The following NPTN variants were observed in gnomAD, a reference collection of about 807,000 sequenced individuals.
The protein encoded by NPTN is SDR-1.
Under a neutral mutation model 42.7 loss-of-function variants are expected in NPTN, and 5 were observed. The ratio of observed to expected loss-of-function variants is 0.12; its 90% CI spans 0.06 to 0.25. The LOEUF (loss-of-function observed/expected upper bound fraction) is 0.25. Among genes scored for constraint, NPTN ranks in the 10% least tolerant of loss-of-function variants. NPTN has a pLI of 1.00. For synonymous variants in NPTN, 180 were observed against 201.9 expected, an observed-to-expected ratio of 0.89 and a Z score of 0.92; for missense variants, 307 against 525.4, an observed-to-expected ratio of 0.58 and a Z score of 4.06.
In NPTN at chr15:73,573,611, T is replaced by C. The variant is rs192858450; in HGVS notation, c.840+51A>G. ...AGTAACTGACCCACGTGTCTGGACC[T>C]CTGCAGGGAAAACTCCAGCAACCAG... On this transcript the variant is annotated intron_variant, in intron 5 of 8. Transcript: ENST00000345330. 8.2e-3 allele frequency: 12,463 copies of C among 1,514,040 alleles called. 55 individuals carry two copies. The highest frequency in any genetic ancestry group is 9.9e-3 in the Non-Finnish European group (11,238 of 1,135,632). The allele number at this position is 1,514,040 out of a possible 1,614,324, so 93.8% of individuals were successfully genotyped here.
At chr15:73,601,682 C>T (rs1230638603) in intron 1 of NPTN, among the ~76,000 whole-genome samples, 1 of 152,100 alleles carries the variant, frequency 6.6e-6, no homozygotes, top group African/African-American at 2.4e-5. Context: ...AACCTCCTAC[C>T]CCACCCTCTT....
chr15:73,606,696 T>C (rs1199897377), intron 1 of NPTN, among the ~76,000 whole-genome samples: 1 of 152,150 alleles, frequency 6.6e-6, no homozygotes, highest in Non-Finnish European at 1.5e-5. Context: ...AGAAAAATAA[T>C]ACCAGTTACA....
At chr15:73,604,709 T>A (rs1051044732) in intron 1 of NPTN, among the ~76,000 whole-genome samples, 2 of 152,204 alleles carry the variant, frequency 1.3e-5, no homozygotes, top group African/African-American at 2.4e-5. Context: ...ATGATTCCTA[T>A]CTTCTTCATA....
At chr15:73,590,173 T>C (rs1896514965) in intron 3 of NPTN, among the ~76,000 whole-genome samples, 1 of 151,984 alleles carries the variant, frequency 6.6e-6, no homozygotes, top group African/African-American at 2.4e-5. Flanking sequence ...AGGGAAAACG[T>C]TCCCTACAGG....
chr15:73,602,623 T>C (rs2141419506), intron 1 of NPTN, among the ~76,000 whole-genome samples: 1 of 152,332 alleles, frequency 6.6e-6, no homozygotes, highest in South Asian at 2.1e-4. Context: ...TTCATCACTA[T>C]TCCTTAACAC....
chr15:73,619,466 T>C (rs1898025084), intron 1 of NPTN, among the ~76,000 whole-genome samples: 2 of 152,232 alleles, frequency 1.3e-5, no homozygotes, highest in African/African-American at 2.4e-5. Flanking sequence ...ATGTCACTTC[T>C]ATGGAACAAC....
chr15:73,608,680 G>T (rs1897404346), intron 1 of NPTN, among the ~76,000 whole-genome samples: 2 of 152,310 alleles, frequency 1.3e-5, no homozygotes, highest in South Asian at 4.1e-4. Context: ...ACTGGTGGCA[G>T]TACAATGGCT....
intron 2 of NPTN, among the ~76,000 whole-genome samples, chr15:73,596,228 C>T (rs1896829125): frequency 6.6e-6 from 1 of 152,206 alleles, no homozygotes; most frequent in African/African-American, 2.4e-5. Context: ...CAGGCTGCTG[C>T]TTTTAAAGAG....
chr15:73,627,909 C>T (rs1050330278), intron 1 of NPTN, among the ~76,000 whole-genome samples: 1 of 151,786 alleles, frequency 6.6e-6, no homozygotes, highest in Non-Finnish European at 1.5e-5. Flanking sequence ...TGTATATAAG[C>T]CTAAAATATG....
chr15:73,578,742 C>T (rs1895827398), intron 4 of NPTN, among the ~76,000 whole-genome samples: 1 of 152,102 alleles, frequency 6.6e-6, no homozygotes, highest in African/African-American at 2.4e-5. Context: ...ACCTGTAATC[C>T]CAGCACTTTG....
chr15:73,587,664 CA>C (rs762878701), intron 3 of NPTN, 46 bp from the exon 4 acceptor site: 1 of 1,361,714 alleles, frequency 7.3e-7, no homozygotes, highest in Non-Finnish European at 1.1e-6. Flanking sequence ...TGGGAACGGT[CA>C]AAATATAAAA....
intron 1 of NPTN, among the ~76,000 whole-genome samples, chr15:73,613,684 T>C (rs1897707348): frequency 6.6e-6 from 1 of 152,146 alleles, no homozygotes. Context: ...AACAAAATGC[T>C]GGACATATCT....
At chr15:73,618,562 G>T (rs1241800881) in intron 1 of NPTN, among the ~76,000 whole-genome samples, 1 of 152,188 alleles carries the variant, frequency 6.6e-6, no homozygotes, top group Admixed American at 6.5e-5. Flanking sequence ...AATTAAGATA[G>T]GAAAAATAAA....
chr15:73,608,284 T>C (rs1031376618), intron 1 of NPTN, among the ~76,000 whole-genome samples: 20 of 152,180 alleles, frequency 1.3e-4, no homozygotes, highest in African/African-American at 4.6e-4. Flanking sequence ...CAAAATACAA[T>C]ACCACTGACA....
At chr15:73,619,196 A>G (rs897397802) in intron 1 of NPTN, among the ~76,000 whole-genome samples, 4 of 152,198 alleles carry the variant, frequency 2.6e-5, no homozygotes, top group Non-Finnish European at 4.4e-5. Flanking sequence ...AATTATGGTG[A>G]TGGGAATAAA....
intron 4 of NPTN, among the ~76,000 whole-genome samples, chr15:73,584,958 T>C (rs1896245003): frequency 6.6e-6 from 1 of 152,118 alleles, no homozygotes; most frequent in African/African-American, 2.4e-5. Context: ...TCAGCCTTCT[T>C]TTCTTTTGTA....
intron 5 of NPTN, among the ~76,000 whole-genome samples, chr15:73,573,398 G>A (rs1895515108): frequency 6.6e-6 from 1 of 152,160 alleles, no homozygotes; most frequent in Non-Finnish European, 1.5e-5. Context: ...AAGTTCTTTA[G>A]AGCAAAGTGA....
In NPTN at chr15:73,560,623, AATATATAT is replaced by A. The variant is rs141791426; in HGVS notation, c.*432_*439del. On this transcript the variant is annotated 3_prime_UTR_variant, in exon 9 of 9. Transcript: ENST00000345330. ...GATTTCTCCCACCCCCAAAAATATA[AATATATAT>A]ATATATATATTTATATACTGTATAT... is the stretch of plus-strand genomic sequence containing the variant. 1 of 146,912 alleles carries A rather than the reference AATATATAT, an allele frequency of 6.8e-6. No homozygotes were observed. Among genetic ancestry groups the A allele is most frequent in the African/African-American group, 2.5e-5 (1 of 40,366 alleles). 9.1% of individuals were successfully genotyped at this position (146,912 alleles called of 1,614,324 possible).
chr15:73,584,130 C>T (rs1378014803), intron 4 of NPTN, among the ~76,000 whole-genome samples: 1 of 152,122 alleles, frequency 6.6e-6, no homozygotes, highest in Non-Finnish European at 1.5e-5. Context: ...GTGAGATGAA[C>T]CTAGTAAGAC....
Sources: gnomAD v4.1 joint callset for allele counts (sites outside exome capture counted in the v4.1 genomes callset) on GRCh38, gnomAD v4.1.1 for gene constraint, MANE v1.5 for transcripts, NCBI Gene and HGNC (gene_info 2026-07-23, HGNC 2026-07-21) for gene names.